PTPRB: variants seen among roughly 807,000 people sequenced by gnomAD.
The protein encoded by PTPRB is receptor-type tyrosine-protein phosphatase beta.
A neutral mutation model predicts 238.1 loss-of-function variants in PTPRB; 97 were observed. The ratio of observed to expected loss-of-function variants is 0.41; its 90% confidence interval spans 0.35 to 0.48. PTPRB has a LOEUF of 0.48. PTPRB is among the 20% of genes least tolerant of loss of function. The pLI, the probability that PTPRB is intolerant of heterozygous loss-of-function variation, is 0.30. For missense variants in PTPRB, 2,292 were observed against 2,681.9 expected (o/e 0.85, Z 3.21); for synonymous variants, 970 against 995.4 (o/e 0.97, Z 0.48).
intron 7 of PTPRB, among the ~76,000 whole-genome samples, chr12:70,590,967 A>C (rs1882438252): frequency 8.0e-6 from 1 of 125,086 alleles, no homozygotes; most frequent in African/African-American, 3.0e-5. Context: ...TTTTTGAGAC[A>C]GGGTCACACT....
In PTPRB at chr12:70,562,992, T is replaced by A. The variant is rs372425001; in HGVS notation, c.4020A>T (p.Pro1340=). 23 of 1,613,906 alleles carry A rather than the reference T, an allele frequency of 1.4e-5. No homozygotes were observed. The African/African-American group carries it at 2.7e-4, about 19-fold the overall frequency. The change falls in exon 16 of 34, where the codon CCA becomes CCT. Residue 1340 remains proline (P), a synonymous_variant. Coordinates refer to ENST00000334414, the MANE Select transcript of PTPRB (RefSeq NM_001109754.4). ...LSWYNIFLYN[P]DGNLQERAQV... The stretch of plus-strand genomic sequence containing the variant: ...GAGCTCTCTCCTGGAGATTCCCATC[T>A]GGGTTGTACAAAAAGATGTTGTACC...
intron 31 of PTPRB, among the ~76,000 whole-genome samples, chr12:70,534,207 T>C (rs1873733705): frequency 6.6e-6 from 1 of 152,130 alleles, no homozygotes; most frequent in African/African-American, 2.4e-5. Context: ...ATCAGGACTT[T>C]GCATTTCAGA....
intron 2 of PTPRB, among the ~76,000 whole-genome samples, chr12:70,626,288 TATCC>T (rs199901317): frequency 0.051 from 6,003 of 117,606 alleles, 242 homozygotes; most frequent in African/African-American, 0.063. Flanking sequence ...GGATGATGTC[TATCC>T]ATCCATCTAT....
In PTPRB at chr12:70,602,665, G is replaced by A. The variant is rs915506461; in HGVS notation, c.980-6338C>T. Among the ~76,000 whole-genome samples, 7 of 152,198 alleles carry A rather than the reference G, an allele frequency of 4.6e-5. No individual in the cohort carries two copies. In the East Asian group the frequency reaches 7.7e-4, roughly 17 times the overall value. On this transcript the variant is annotated intron_variant, in intron 4 of 33. Transcript: ENST00000334414. ...TTGTATCAAAATGATGTGCAGTGGG[G>A]GAGTGGGTGGGGATATAGATGAAAC... is the stretch of plus-strand genomic sequence containing the variant.
At chr12:70,634,757 T>C (rs1885607080) in intron 2 of PTPRB, among the ~76,000 whole-genome samples, 1 of 152,238 alleles carries the variant, frequency 6.6e-6, no homozygotes, top group Non-Finnish European at 1.5e-5. Flanking sequence ...CTAATTTATC[T>C]GGGACAATTT....
Position 70,594,455 on chromosome 12 carries a change from G to T in PTPRB, c.1516+12C>A. 1 of 1,611,294 alleles carries T rather than the reference G, an allele frequency of 6.2e-7. No homozygotes were observed. The highest frequency in any genetic ancestry group is 1.1e-5 in the South Asian group (1 of 90,956). ...CACTTTATTCTTCTTCAGCTAGCTA[G>T]GGGGAACTTACCTGTCCTGACTAGT... On this transcript the variant is annotated intron_variant, in intron 6 of 33. Transcript: ENST00000334414.
At chr12:70,564,801 C>G (rs1277612855) in intron 15 of PTPRB, among the ~76,000 whole-genome samples, 3 of 150,144 alleles carry the variant, frequency 2.0e-5, no homozygotes, top group South Asian at 2.1e-4. Flanking sequence ...CCACTGCACT[C>G]CATCCTGGGT....
At chr12:70,609,890 C>T (rs369284230) in intron 3 of PTPRB, 605 of 1,402,528 alleles carry the variant, frequency 4.3e-4, no homozygotes, top group Non-Finnish European at 5.6e-4. Context: ...GGCAGGGGGT[C>T]ACCTGTTGCG....
At chr12:70,540,089 A>G in intron 23 of PTPRB, 67 bp from the exon 24 acceptor site, 1 of 1,350,920 alleles carries the variant, frequency 7.4e-7, no homozygotes, top group Non-Finnish European at 1.0e-6. Flanking sequence ...TTTTCCATTT[A>G]TGGTAAGGCT....
intron 7 of PTPRB, among the ~76,000 whole-genome samples, chr12:70,590,783 T>G (rs1882411827): frequency 6.6e-6 from 1 of 151,928 alleles, no homozygotes; most frequent in African/African-American, 2.4e-5. Context: ...CTTCCGGTTG[T>G]ATGTTCTGTA....
chr12:70,524,287 T>TA (rs1300126642), intron 33 of PTPRB, among the ~76,000 whole-genome samples, 184 bp downstream of exon 33: 1 of 151,198 alleles, frequency 6.6e-6, no homozygotes, highest in South Asian at 2.1e-4. Flanking sequence ...TTTTTTTTTT[T>TA]AGTTTTTTGT....
intron 15 of PTPRB, among the ~76,000 whole-genome samples, chr12:70,565,071 T>C (rs1285664805): frequency 6.6e-6 from 1 of 152,082 alleles, no homozygotes; most frequent in Non-Finnish European, 1.5e-5. Context: ...TTCACTTCTG[T>C]ATATCCAGCA....
intron 3 of PTPRB, among the ~76,000 whole-genome samples, chr12:70,618,891 G>C (rs1290334386): frequency 6.6e-6 from 1 of 152,180 alleles, no homozygotes; most frequent in Non-Finnish European, 1.5e-5. Context: ...AAGAGAGAGA[G>C]CACCACAGAG....
At chr12:70,541,604 TAGC>T (rs1335935391) in intron 22 of PTPRB, 1 of 152,262 alleles carries the variant, frequency 6.6e-6, no homozygotes, top group Non-Finnish European at 1.5e-5. Context: ...GCGTACCTAT[TAGC>T]AGTCAGTCCC....
chr12:70,583,427 T>C (rs1041673516), intron 9 of PTPRB, among the ~76,000 whole-genome samples: 3 of 152,132 alleles, frequency 2.0e-5, no homozygotes, highest in African/African-American at 4.8e-5. Flanking sequence ...CGAACTGTTG[T>C]GTTGAGAGCA....
chr12:70,633,231 C>T (rs1013668874), intron 2 of PTPRB, among the ~76,000 whole-genome samples: 1 of 152,172 alleles, frequency 6.6e-6, no homozygotes, highest in African/African-American at 2.4e-5. Flanking sequence ...AGTAGCTACT[C>T]TAGCAAGTCA....
intron 4 of PTPRB, among the ~76,000 whole-genome samples, chr12:70,604,849 C>T (rs1883813200): frequency 6.6e-6 from 1 of 152,100 alleles, no homozygotes; most frequent in South Asian, 2.1e-4. Context: ...CATTTGCAGG[C>T]CAAGGAGAGG....
rs1156956333 is a variant in PTPRB at position 70,552,983 on chromosome 12, G to A, written c.5181C>T (p.Leu1727=). 1 of 1,613,784 alleles carries A rather than the reference G, an allele frequency of 6.2e-7. No homozygotes were observed. Among genetic ancestry groups the A allele is most frequent in the Non-Finnish European group, 8.5e-7 (1 of 1,179,700 alleles). The change falls in exon 21 of 34, where the codon CTC becomes CTT. Residue 1727 remains leucine, a synonymous_variant. Transcript: ENST00000334414. ...TGTGCCTGTACTCCAGGTAGGAAGGGAGAGGGTGCTGCTGTTCTGGCTTCA... is the reference window on the plus strand; with the variant it reads ...TGTGCCTGTACTCCAGGTAGGAAGGAAGAGGGTGCTGCTGTTCTGGCTTCA... ...DELKPEQQHP[L]PSYLEYRHNA...
intron 20 of PTPRB, among the ~76,000 whole-genome samples, chr12:70,554,736 C>T (rs1034178388): frequency 2.6e-5 from 4 of 151,996 alleles, no homozygotes; most frequent in Non-Finnish European, 4.4e-5. Context: ...GCATTTGAGA[C>T]AGGGAGGGGT....
Sources: gnomAD v4.1 joint callset for allele counts (sites outside exome capture counted in the v4.1 genomes callset) on GRCh38, gnomAD v4.1.1 for gene constraint, MANE v1.5 for transcripts, NCBI Gene and HGNC (gene_info 2026-07-23, HGNC 2026-07-21) for gene names.